The following INO80 variants were observed in gnomAD, a reference collection of about 807,000 sequenced individuals.
INO80 encodes the protein INO80 complex ATPase subunit, also known as chromatin-remodeling ATPase INO80.
In INO80, 20 loss-of-function variants were observed where a neutral mutation model predicts 203.4. That is an observed-to-expected ratio of 0.10 (90% CI 0.07 to 0.14). The LOEUF is 0.14. Ranked by LOEUF, INO80 falls within the 10% of genes least tolerant of loss-of-function variation. The pLI is 1.00. For missense variants in INO80, 1,419 were observed against 1,914.4 expected (o/e 0.74, Z 4.83); for synonymous variants, 726 against 685.2 (o/e 1.06, Z -0.93).
Position 41,051,128 on chromosome 15 carries a change from C to CAAAAAA in INO80, c.2275-1032_2275-1027dup, listed in dbSNP as rs368535813. Among the ~76,000 whole-genome samples, 56 of 78,472 alleles carry CAAAAAA rather than the reference C, an allele frequency of 7.1e-4. 1 individual carries two copies. In the South Asian group the frequency reaches 0.015, roughly 21 times the overall value. The allele number at this position is 78,472 out of a possible 152,430, so 51.5% of individuals were successfully genotyped here. On this transcript the variant is annotated intron_variant, in intron 19 of 35. Coordinates refer to ENST00000648947, the MANE Select transcript of INO80 (RefSeq NM_017553.3). ...TGGGTGACAGAATGAGACTCCATCT[C>CAAAAAA]AAAAAAAAAAAAAAAGAAAGTTCTC...
intron 9 of INO80, among the ~76,000 whole-genome samples, chr15:41,077,457 A>G (rs2045422871): frequency 6.6e-6 from 1 of 152,102 alleles, no homozygotes; most frequent in Non-Finnish European, 1.5e-5. Context: ...ATAGCACTTG[A>G]GCCAGATCCA....
chr15:41,063,264 G>C (rs1014831611), intron 14 of INO80, among the ~76,000 whole-genome samples: 1 of 152,108 alleles, frequency 6.6e-6, no homozygotes, highest in East Asian at 1.9e-4. Context: ...TTGAACCTGG[G>C]AGGCAGAGGT....
chr15:41,105,277 G>A (rs967177149), intron 1 of INO80, among the ~76,000 whole-genome samples: 3 of 152,098 alleles, frequency 2.0e-5, no homozygotes, highest in Non-Finnish European at 4.4e-5. Context: ...AAAAAGCTTG[G>A]GGGTTGGGGG....
intron 27 of INO80, chr15:41,011,813 C>A (rs182100112): frequency 6.6e-6 from 1 of 152,310 alleles, no homozygotes; most frequent in East Asian, 1.9e-4. Context: ...CCCAGTGAGG[C>A]ACTGCGCTTG....
intron 1 of INO80, among the ~76,000 whole-genome samples, chr15:41,106,177 A>T (rs1250598096): frequency 6.6e-6 from 1 of 152,078 alleles, no homozygotes. Flanking sequence ...TGAGCTCTGG[A>T]GTTTGAGACC....
At chr15:41,107,931 C>A (rs1350845365) in intron 1 of INO80, among the ~76,000 whole-genome samples, 1 of 151,854 alleles carries the variant, frequency 6.6e-6, no homozygotes, top group Non-Finnish European at 1.5e-5. Flanking sequence ...GAAACCCCAT[C>A]TCTACTAAAA....
At chr15:41,005,362 A>C (rs2044025740) in intron 28 of INO80, 1 of 422,654 alleles carries the variant, frequency 2.4e-6, no homozygotes, top group East Asian at 3.8e-5. Context: ...GTGTCATAAG[A>C]AAGCATACTT....
At chr15:40,985,525 C>T (rs1279203609) in intron 31 of INO80, 99 bp from the exon 32 acceptor site, 1 of 879,464 alleles carries the variant, frequency 1.1e-6, no homozygotes, top group Non-Finnish European at 1.9e-6. Context: ...GTTTATTTTC[C>T]AAGTATCACT....
intron 28 of INO80, among the ~76,000 whole-genome samples, chr15:41,003,612 G>A (rs942289967): frequency 6.6e-6 from 1 of 152,080 alleles, no homozygotes; most frequent in African/African-American, 2.4e-5. Context: ...TTACAGGCGT[G>A]AGCCACTGTG....
At chr15:41,078,150 G>C (rs537143483) in intron 9 of INO80, among the ~76,000 whole-genome samples, 1 of 151,834 alleles carries the variant, frequency 6.6e-6, no homozygotes, top group Non-Finnish European at 1.5e-5. Context: ...CACCCACCTC[G>C]GCCTCCCAAA....
At position 40,983,901 on chromosome 15, in the gene INO80, C is replaced by G; in HGVS notation, c.4098G>C (p.Leu1366=). The change falls in exon 34 of 36, where the codon CTG becomes CTC. Residue 1366 remains leucine, a synonymous_variant. Coordinates refer to ENST00000648947, the MANE Select transcript of INO80 (RefSeq NM_017553.3). ...CGTCCAGGGGAATGGAGCCAGTGTG[C>G]AGCTCACTGCTGATGGAGATCTAGA... The part of the protein sequence containing the change: ...PFSEISISSE[L]HTGSIPLDES... 1 of 1,613,648 alleles carries G rather than the reference C, an allele frequency of 6.2e-7. No individual in the cohort carries two copies. The highest frequency in any genetic ancestry group is 8.5e-7 in the Non-Finnish European group (1 of 1,180,002).
chr15:41,080,142 A>G (rs2045464333), intron 8 of INO80, among the ~76,000 whole-genome samples: 1 of 152,366 alleles, frequency 6.6e-6, no homozygotes. Flanking sequence ...ATGAAAAATT[A>G]TAATGATGAA....
intron 27 of INO80, among the ~76,000 whole-genome samples, chr15:41,007,168 C>CT (rs1210127914): frequency 3.7e-4 from 48 of 128,498 alleles, no homozygotes; most frequent in South Asian, 5.1e-4. Flanking sequence ...CACAGGCACT[C>CT]TTTTTTTTTT....
chr15:41,102,698 T>C (rs528564723), intron 1 of INO80, among the ~76,000 whole-genome samples: 1 of 152,168 alleles, frequency 6.6e-6, no homozygotes, highest in South Asian at 2.1e-4. Flanking sequence ...TATTATAAAA[T>C]ATTTGTAATA....
At chr15:41,106,675 GTGT>G (rs2045885199) in intron 1 of INO80, among the ~76,000 whole-genome samples, 2 of 152,144 alleles carry the variant, frequency 1.3e-5, no homozygotes, top group South Asian at 4.1e-4. Context: ...GCACTCCTAG[GTGT>G]TGTTTCTTTC....
chr15:41,056,575 C>T, intron 17 of INO80, 47 bp downstream of exon 17: 1 of 1,362,356 alleles, frequency 7.3e-7, no homozygotes, highest in South Asian at 1.2e-5. Flanking sequence ...TGCTGGAATC[C>T]TTCTGTTTTA....
chr15:41,021,576 T>C (rs2044295149), intron 25 of INO80, among the ~76,000 whole-genome samples: 1 of 152,242 alleles, frequency 6.6e-6, no homozygotes, highest in Non-Finnish European at 1.5e-5. Flanking sequence ...TTTGAAGTCA[T>C]CTTTAATGCT....
chr15:40,989,723 G>A (rs1410400510), intron 29 of INO80, among the ~76,000 whole-genome samples: 1 of 152,186 alleles, frequency 6.6e-6, no homozygotes, highest in Non-Finnish European at 1.5e-5. Flanking sequence ...GATCACAGGT[G>A]CCTGCCACCA....
At chr15:41,055,772 C>T (rs1235650375) in intron 17 of INO80, among the ~76,000 whole-genome samples, 2 of 152,088 alleles carry the variant, frequency 1.3e-5, no homozygotes, top group East Asian at 1.9e-4. Flanking sequence ...TCTGGTCTAC[C>T]ACTATTTTAA....
Sources: gnomAD v4.1 joint callset for allele counts (sites outside exome capture counted in the v4.1 genomes callset) on GRCh38, gnomAD v4.1.1 for gene constraint, MANE v1.5 for transcripts, NCBI Gene and HGNC (gene_info 2026-07-23, HGNC 2026-07-21) for gene names.